The following MYO3B variants were observed in gnomAD, a reference collection of about 807,000 sequenced individuals.
MYO3B encodes the protein myosin-IIIb.
MYO3B carries 156 observed loss-of-function variants against 174.6 expected under a neutral mutation model. The ratio of observed to expected loss-of-function variants is 0.89; its 90% CI spans 0.78 to 1.02. MYO3B has a LOEUF of 1.02. MYO3B is among the 50% of genes least tolerant of loss of function. The pLI, the probability that MYO3B is intolerant of heterozygous loss-of-function variation, is 0.00. For missense variants in MYO3B, 1,632 were observed against 1,639.4 expected (o/e 1.00, Z 0.08); for synonymous variants, 563 against 569.1 (o/e 0.99, Z 0.15).
intron 9 of MYO3B, among the ~76,000 whole-genome samples, chr2:170,369,683 GGA>G (rs1197745383): frequency 2.2e-4 from 13 of 58,490 alleles, no homozygotes; most frequent in African/African-American, 8.0e-4. Context: ...ACAGAAATTT[GGA>G]TTTTTTTTTT....
intron 7 of MYO3B, among the ~76,000 whole-genome samples, chr2:170,241,333 TAAGG>T (rs1040417903): frequency 6.6e-6 from 1 of 152,224 alleles, no homozygotes; most frequent in Non-Finnish European, 1.5e-5. Context: ...TGACCTAGTC[TAAGG>T]ACTTAGGCTT....
At chr2:170,601,818 A>G in intron 32 of MYO3B, 1 of 1,072,732 alleles carries the variant, frequency 9.3e-7, no homozygotes, top group Non-Finnish European at 1.4e-6. Flanking sequence ...TGTCATCTGC[A>G]AAAGTGTTAT....
intron 25 of MYO3B, among the ~76,000 whole-genome samples, chr2:170,480,504 A>G (rs1225139286): frequency 6.6e-6 from 1 of 152,182 alleles, no homozygotes; most frequent in African/African-American, 2.4e-5. Context: ...GGTAAAAGTA[A>G]GTGTTTCCCT....
chr2:170,434,520 G>T (rs2094736639), intron 22 of MYO3B, among the ~76,000 whole-genome samples: 1 of 152,104 alleles, frequency 6.6e-6, no homozygotes, highest in Non-Finnish European at 1.5e-5. Context: ...GACCACACAG[G>T]CTAAGCTAAT....
intron 3 of MYO3B, among the ~76,000 whole-genome samples, chr2:170,204,745 G>A (rs2092697682): frequency 6.6e-6 from 1 of 152,158 alleles, no homozygotes; most frequent in African/African-American, 2.4e-5. Context: ...TCTGGTGGCT[G>A]GCAGAGTGGG....
chr2:170,485,438 G>GAA (rs1685987468), intron 25 of MYO3B, among the ~76,000 whole-genome samples: 3 of 151,422 alleles, frequency 2.0e-5, no homozygotes, highest in African/African-American at 4.9e-5. Flanking sequence ...GAGAGAGAGA[G>GAA]AGAGAGCGAG....
chr2:170,591,892 T>G (rs140423136), intron 32 of MYO3B, among the ~76,000 whole-genome samples: 4 of 152,316 alleles, frequency 2.6e-5, no homozygotes, highest in Admixed American at 6.5e-5. Flanking sequence ...AATGTTTACT[T>G]CCAGAAGTTC....
chr2:170,463,277 T>C, intron 23 of MYO3B, 91 bp from the exon 24 acceptor site: 1 of 1,057,668 alleles, frequency 9.5e-7, no homozygotes, highest in Middle Eastern at 3.0e-4. Flanking sequence ...CCTCAGGTAT[T>C]TGGCCAAACA....
chr2:170,504,911 C>T lies in MYO3B; in HGVS notation c.3370+3046C>T, dbSNP rs79640632. On this transcript the variant is annotated intron_variant, in intron 28 of 34. Transcript: ENST00000408978. Reference sequence around the variant, plus strand: ...TGGTGTGATCGAGGGAGGGACAGGGCTCCAGATTGGAAACCTCTCCCCCAA... The same window carrying T: ...TGGTGTGATCGAGGGAGGGACAGGGTTCCAGATTGGAAACCTCTCCCCCAA... 7.6e-4 allele frequency among the ~76,000 whole-genome samples: 116 copies of T among 152,292 alleles called. 2 individuals carry two copies. The East Asian group carries it at 0.021, about 28-fold the overall frequency.
intron 30 of MYO3B, among the ~76,000 whole-genome samples, chr2:170,532,303 G>A (rs1689402833): frequency 6.6e-6 from 1 of 152,140 alleles, no homozygotes; most frequent in Non-Finnish European, 1.5e-5. Flanking sequence ...AGATGAAAGG[G>A]AACTAAAAGA....
chr2:170,303,152 A>G (rs1052855860), intron 7 of MYO3B, among the ~76,000 whole-genome samples: 1 of 152,156 alleles, frequency 6.6e-6, no homozygotes, highest in African/African-American at 2.4e-5. Context: ...TGTTCCAACT[A>G]TGTTGTCTAT....
At chr2:170,632,599 A>C (rs1697101875) in intron 32 of MYO3B, among the ~76,000 whole-genome samples, 1 of 152,176 alleles carries the variant, frequency 6.6e-6, no homozygotes, top group Non-Finnish European at 1.5e-5. Context: ...AAACACATTC[A>C]AAAGCTAGCG....
chr2:170,335,495 G>T, intron 8 of MYO3B, 45 bp downstream of exon 8: 1 of 1,454,604 alleles, frequency 6.9e-7, no homozygotes, highest in South Asian at 1.2e-5. Context: ...GCAAGGCCTT[G>T]AGCAGTGATT....
intron 7 of MYO3B, among the ~76,000 whole-genome samples, chr2:170,286,805 CTT>C (rs2093559970): frequency 6.6e-6 from 1 of 151,946 alleles, no homozygotes; most frequent in African/African-American, 2.4e-5. Flanking sequence ...AATGTATCAT[CTT>C]TACCATTTTT....
intron 7 of MYO3B, among the ~76,000 whole-genome samples, chr2:170,323,494 T>G (rs1238478555): frequency 6.6e-6 from 1 of 152,200 alleles, no homozygotes; most frequent in Admixed American, 6.5e-5. Flanking sequence ...TATAAAATGC[T>G]CTAGCAGAAT....
chr2:170,414,167 T>TGGG (rs2105835089), intron 22 of MYO3B, among the ~76,000 whole-genome samples: 1 of 152,336 alleles, frequency 6.6e-6, no homozygotes, highest in Non-Finnish European at 1.5e-5. Context: ...TCTTCACCAA[T>TGGG]ACCACACTAT....
At position 170,511,371 on chromosome 2, in the gene MYO3B, G is replaced by A. The variant is rs529892132; in HGVS notation, c.3371-3550G>A. ...GTGAGCCACCGCGCCCAGCCTTAGA[G>A]CATTTTCCTTTTGAGTAAAATGTAT... On this transcript the variant is annotated intron_variant, in intron 28 of 34. Transcript: ENST00000408978. Among the ~76,000 whole-genome samples, 31 of 152,164 alleles carry A rather than the reference G, an allele frequency of 2.0e-4. 1 individual carries two copies. The highest frequency in any genetic ancestry group is 6.8e-3 in the Middle Eastern group (2 of 294).
At chr2:170,280,913 G>C (rs1428412425) in intron 7 of MYO3B, among the ~76,000 whole-genome samples, 2 of 152,050 alleles carry the variant, frequency 1.3e-5, no homozygotes, top group Middle Eastern at 3.2e-3. Context: ...GTAATATGAT[G>C]CCTCCAGTTT....
intron 22 of MYO3B, among the ~76,000 whole-genome samples, chr2:170,413,989 G>T (rs377480279): frequency 2.6e-5 from 4 of 151,910 alleles, no homozygotes; most frequent in Non-Finnish European, 4.4e-5. Context: ...GCAGTGAGCC[G>T]AGATCACGCC....
Sources: allele counts gnomAD v4.1 joint callset (sites outside exome capture counted in the v4.1 genomes callset), GRCh38; gene constraint gnomAD v4.1.1; transcripts MANE v1.5; gene names NCBI Gene and HGNC (gene_info 2026-07-23, HGNC 2026-07-21).